Variants in SULT2B1 observed in about 807,000 individuals in gnomAD.
The protein encoded by SULT2B1 is sulfotransferase 2B1.
A neutral mutation model predicts 33.2 loss-of-function variants in SULT2B1; 16 were observed. The ratio of observed to expected loss-of-function variants is 0.48; its 90% CI spans 0.33 to 0.73. The LOEUF (loss-of-function observed/expected upper bound fraction) is 0.73, where lower values mean the gene tolerates loss of function less well. Ranked by LOEUF, SULT2B1 falls within the 30% of genes least tolerant of loss-of-function variation. SULT2B1 has a pLI of 0.02. For synonymous variants in SULT2B1, 186 were observed against 200.5 expected (o/e 0.93, Z 0.61); for missense variants, 500 against 506.0 (o/e 0.99, Z 0.11).
intron 1 of SULT2B1, among the ~76,000 whole-genome samples, chr19:48,567,212 A>C (rs1568405001): frequency 6.6e-6 from 1 of 152,078 alleles, no homozygotes; most frequent in Non-Finnish European, 1.5e-5. Flanking sequence ...CCTCAAGGGC[A>C]TCTGTCTATT....
Position 48,575,931 on chromosome 19 carries a change from C to G in SULT2B1, c.72-10C>G. ...CTCTCCCTCATGGCGTCTCCCCCAC[C>G]TTTCCACAGCCAGAAGTTGCCAGGT... On this transcript the variant is annotated splice_polypyrimidine_tract_variant and intron_variant, in intron 1 of 6. Transcript: ENST00000201586. 6.2e-7 allele frequency: 1 copy of G among 1,609,880 alleles called. No homozygotes were observed. Among genetic ancestry groups the G allele is most frequent in the South Asian group, 1.1e-5 (1 of 90,958 alleles).
chr19:48,585,272 TCTGAACAGCCTGTGGTCTC>T (rs1410158070), intron 2 of SULT2B1, among the ~76,000 whole-genome samples: 1 of 152,124 alleles, frequency 6.6e-6, no homozygotes, highest in Non-Finnish European at 1.5e-5. Flanking sequence ...TTGTTTCTCT[TCTGAACAGCCTGTGGTCTC>T]CTGAAATTCA....
intron 1 of SULT2B1, among the ~76,000 whole-genome samples, chr19:48,558,679 C>CTTTTTTTTTTTTT (rs869189397): frequency 4.3e-4 from 46 of 106,176 alleles, no homozygotes; most frequent in African/African-American, 1.5e-3. Flanking sequence ...CTTTTCTTTT[C>CTTTTTTTTTTTTT]TTTTTTTTTT....
Position 48,591,874 on chromosome 19 carries a change from C to T in SULT2B1, c.550+139C>T, listed in dbSNP as rs370308861. ...CAAAAGGGGCAATAGAGACAGAGAGCAGGTGGCCAGGAGAAGAGACGGAGG... is the reference window on the plus strand; with the variant it reads ...CAAAAGGGGCAATAGAGACAGAGAGTAGGTGGCCAGGAGAAGAGACGGAGG... On this transcript the variant is annotated intron_variant, in intron 4 of 6. Coordinates refer to ENST00000201586, the MANE Select transcript of SULT2B1 (RefSeq NM_177973.2). The T allele has an allele frequency of 4.4e-3, 4,247 of 970,380 alleles. 26 individuals are homozygous for T. Among genetic ancestry groups the T allele is most frequent in the Non-Finnish European group, 4.9e-3 (3,677 of 749,928 alleles). 60.1% of individuals were successfully genotyped at this position (970,380 alleles called of 1,614,324 possible). A position where few individuals can be genotyped will look rare whatever the true frequency, so the allele number is the denominator to read the frequency against.
intron 6 of SULT2B1, 99 bp downstream of exon 6, chr19:48,597,018 C>A: frequency 7.8e-7 from 1 of 1,277,412 alleles, no homozygotes; most frequent in Non-Finnish European, 1.1e-6. Context: ...TCTCACCCAG[C>A]TGTAACATTG....
chr19:48,591,307 C>T (rs915727984), intron 3 of SULT2B1: 2 of 242,076 alleles, frequency 8.3e-6, no homozygotes, highest in African/African-American at 4.5e-5. Context: ...CCCATCTCTA[C>T]TAAACATACA....
chr19:48,559,959 TAAA>T (rs769845924), intron 1 of SULT2B1, among the ~76,000 whole-genome samples: 11 of 133,486 alleles, frequency 8.2e-5, no homozygotes, highest in African/African-American at 2.7e-4. Context: ...CATCTCTCTT[TAAA>T]AAAAAAAAAA....
At chr19:48,556,268 T>G (rs28626601) in intron 1 of SULT2B1, among the ~76,000 whole-genome samples, 43,202 of 152,074 alleles carry the variant, frequency 0.28, 6,422 homozygotes, top group East Asian at 0.44. Flanking sequence ...CTGGTCTAGC[T>G]TCAAATCTGC....
chr19:48,555,174 C>A (rs1973082039), intron 1 of SULT2B1, among the ~76,000 whole-genome samples: 1 of 152,156 alleles, frequency 6.6e-6, no homozygotes, highest in Non-Finnish European at 1.5e-5. Context: ...TCACTACAAC[C>A]TCGGCCTCCC....
chr19:48,557,949 A>C lies in SULT2B1; in HGVS notation c.71+5626A>C, dbSNP rs1183327748. On this transcript the variant is annotated intron_variant, in intron 1 of 6. Coordinates refer to ENST00000201586, the MANE Select transcript of SULT2B1 (RefSeq NM_177973.2). ...AATAATTAAAATTAAAAAAATTAAA[A>C]AAAATAAAATCGTAAGAGGAAAACA... Among the ~76,000 whole-genome samples the C allele has an allele frequency of 2.0e-5, 3 of 152,222 alleles. No homozygotes were observed. The East Asian group carries it at 5.8e-4, about 29-fold the overall frequency.
intron 2 of SULT2B1, among the ~76,000 whole-genome samples, chr19:48,580,840 G>C (rs1403001691): frequency 6.8e-6 from 1 of 147,256 alleles, no homozygotes; most frequent in South Asian, 2.2e-4. Context: ...GGGCTCAAGC[G>C]ATCTTCCTGC....
intron 1 of SULT2B1, among the ~76,000 whole-genome samples, chr19:48,573,051 G>C (rs918335470): frequency 2.6e-5 from 4 of 151,780 alleles, no homozygotes; most frequent in African/African-American, 9.7e-5. Context: ...CAGCTAATCA[G>C]GAGTCTGAGG....
Position 48,561,087 on chromosome 19 carries a change from C to T in SULT2B1, c.71+8764C>T, listed in dbSNP as rs139253101. ...ACGGAGGTTGCTGTGGGGCTGAGAT[C>T]GCACCACTGCACTCCAGCCTGGGAG... On this transcript the variant is annotated intron_variant, in intron 1 of 6. Coordinates refer to ENST00000201586, the MANE Select transcript of SULT2B1 (RefSeq NM_177973.2). Among the ~76,000 whole-genome samples the T allele has an allele frequency of 3.5e-4, 53 of 151,810 alleles. 1 individual carries two copies. Among genetic ancestry groups the T allele is most frequent in the Non-Finnish European group, 3.7e-4 (25 of 67,980 alleles).
At position 48,585,697 on chromosome 19, in the gene SULT2B1, G is replaced by A. The variant is rs546731043; in HGVS notation, c.215-1532G>A. ...AAAGAAAAAAAGTGGGGGTAGGGGG[G>A]AGGGATAGCATTAGGAGATATACCT... On this transcript the variant is annotated intron_variant, in intron 2 of 6. Coordinates refer to ENST00000201586, the MANE Select transcript of SULT2B1 (RefSeq NM_177973.2). Among the ~76,000 whole-genome samples the A allele has an allele frequency of 3.3e-5, 5 of 151,738 alleles. No homozygotes were observed. In the East Asian group the frequency reaches 9.7e-4, roughly 29 times the overall value.
chr19:48,574,327 G>A (rs145862202), intron 1 of SULT2B1, among the ~76,000 whole-genome samples: 15 of 152,318 alleles, frequency 9.8e-5, no homozygotes, highest in Admixed American at 2.0e-4. Context: ...ACACCAACAA[G>A]TCCCAGCACT....
intron 4 of SULT2B1, among the ~76,000 whole-genome samples, chr19:48,592,412 G>A (rs908590395): frequency 1.3e-5 from 2 of 152,232 alleles, no homozygotes; most frequent in African/African-American, 4.8e-5. Context: ...AAGAAAGGCA[G>A]CGCCCTTTGG....
At chr19:48,573,687 T>C (rs1258758981) in intron 1 of SULT2B1, among the ~76,000 whole-genome samples, 2 of 152,060 alleles carry the variant, frequency 1.3e-5, no homozygotes. Context: ...AAGGAGGGAC[T>C]GAGTCTACAG....
intron 2 of SULT2B1, among the ~76,000 whole-genome samples, chr19:48,576,359 C>CTTTTTTTT (rs1188887401): frequency 8.3e-5 from 8 of 96,716 alleles, no homozygotes; most frequent in African/African-American, 3.0e-4. Flanking sequence ...CTCTACTTCT[C>CTTTTTTTT]TTTTTTTTTT....
Position 48,558,685 on chromosome 19 carries a change from T to C in SULT2B1, c.71+6362T>C, listed in dbSNP as rs540852471. ...TTCTTTTTTCTTTTCTTTTCTTTTTTTTTTTTTTTTTTTTTTGAGACAGAG... is the reference window on the plus strand; with the variant it reads ...TTCTTTTTTCTTTTCTTTTCTTTTTCTTTTTTTTTTTTTTTTGAGACAGAG... On this transcript the variant is annotated intron_variant, in intron 1 of 6. Transcript: ENST00000201586. 5.9e-4 allele frequency among the ~76,000 whole-genome samples: 82 copies of C among 140,156 alleles called. No individual in the cohort carries two copies. In the East Asian group the frequency reaches 0.011, roughly 19 times the overall value. 91.9% of individuals were successfully genotyped at this position (140,156 alleles called of 152,430 possible).
Sources: allele counts gnomAD v4.1 joint callset (sites outside exome capture counted in the v4.1 genomes callset), GRCh38; gene constraint gnomAD v4.1.1; transcripts MANE v1.5; gene names NCBI Gene and HGNC (gene_info 2026-07-23, HGNC 2026-07-21).